Variants in THSD7B observed in about 807,000 individuals in gnomAD.
The protein encoded by THSD7B is thrombospondin type 1 domain containing 7B, also known as thrombospondin type-1 domain-containing protein 7B.
A neutral mutation model predicts 213.6 loss-of-function variants in THSD7B; 138 were observed. That is an observed-to-expected ratio of 0.65 (90% CI 0.56 to 0.74). THSD7B has a LOEUF of 0.74. Ranked by LOEUF, THSD7B falls within the 30% of genes least tolerant of loss-of-function variation. The pLI is 0.00. For missense variants in THSD7B, 1,931 were observed against 1,991.5 expected, an observed-to-expected ratio of 0.97 and a Z score of 0.58; for synonymous variants, 742 against 687.0, an observed-to-expected ratio of 1.08 and a Z score of -1.25.
rs940898203 is a variant in THSD7B at position 137,405,154 on chromosome 2, T to A, written c.2501-459T>A. Among the ~76,000 whole-genome samples, 4 of 142,872 alleles carry A rather than the reference T, an allele frequency of 2.8e-5. No individual in the cohort carries two copies. In the Admixed American group the frequency reaches 2.9e-4, roughly 10 times the overall value. The allele number at this position is 142,872 out of a possible 152,430, so 93.7% of individuals were successfully genotyped here. ...CAGACAGCAGAAATTCCTTTAAAAA[T>A]ACTGACTGTATAGGTCTACTTCTGT... On this transcript the variant is annotated intron_variant, in intron 12 of 27. Transcript: ENST00000409968.
chr2:136,944,105 A>C (rs1477647269), intron 2 of THSD7B, among the ~76,000 whole-genome samples: 1 of 152,082 alleles, frequency 6.6e-6, no homozygotes, highest in Non-Finnish European at 1.5e-5. Flanking sequence ...TGGTTTCAAA[A>C]AACATTTTTA....
At chr2:137,137,003 G>A (rs557603913) in intron 5 of THSD7B, among the ~76,000 whole-genome samples, 44 of 152,290 alleles carry the variant, frequency 2.9e-4, no homozygotes, top group African/African-American at 1.1e-3. Flanking sequence ...GTCCTGAGAT[G>A]ACAGTTCCTT....
intron 12 of THSD7B, among the ~76,000 whole-genome samples, chr2:137,313,696 G>T (rs560692419): frequency 4.6e-5 from 7 of 152,118 alleles, no homozygotes; most frequent in South Asian, 4.2e-4. Flanking sequence ...TTTTAGAGCC[G>T]GCCTGGTGGT....
chr2:136,775,086 G>A lies in THSD7B; in HGVS notation c.-36+9399G>A, dbSNP rs188648060. ...ATGACATGCACATTCTCTGTACTTG[G>A]CAAAGCCAGATCACTTTATTTATAT... On this transcript the variant is annotated intron_variant, in intron 1 of 27. Coordinates refer to ENST00000409968, the MANE Select transcript of THSD7B (RefSeq NM_001316349.2). Among the ~76,000 whole-genome samples the A allele has an allele frequency of 2.0e-5, 3 of 152,142 alleles. No individual in the cohort carries two copies. The East Asian group carries it at 5.8e-4, about 29-fold the overall frequency.
intron 12 of THSD7B, among the ~76,000 whole-genome samples, chr2:137,322,348 A>G (rs973605696): frequency 2.0e-5 from 3 of 152,228 alleles, no homozygotes; most frequent in South Asian, 2.1e-4. Context: ...TATGATGATT[A>G]AAATGAAATT....
intron 12 of THSD7B, among the ~76,000 whole-genome samples, chr2:137,332,045 A>G (rs1168172534): frequency 2.0e-5 from 3 of 152,162 alleles, no homozygotes; most frequent in South Asian, 2.1e-4. Flanking sequence ...CAGCCCAGAA[A>G]GGGGCTCCCA....
intron 12 of THSD7B, among the ~76,000 whole-genome samples, chr2:137,340,291 A>G (rs549765633): frequency 1.3e-5 from 2 of 152,022 alleles, no homozygotes; most frequent in African/African-American, 2.4e-5. Context: ...TAAAGGATGT[A>G]AAGGTTTTAG....
intron 7 of THSD7B, among the ~76,000 whole-genome samples, chr2:137,174,274 A>G (rs2104998526): frequency 6.6e-6 from 1 of 152,282 alleles, no homozygotes; most frequent in South Asian, 2.1e-4. Context: ...TGGAACCATG[A>G]GATTTCTACA....
intron 20 of THSD7B, among the ~76,000 whole-genome samples, chr2:137,630,391 G>A (rs1682718965): frequency 1.3e-5 from 2 of 152,176 alleles, no homozygotes; most frequent in African/African-American, 4.8e-5. Context: ...ACTGTGCCAA[G>A]GCAGCCTCTG....
chr2:137,427,202 T>C (rs1005976798), intron 14 of THSD7B, among the ~76,000 whole-genome samples: 12 of 152,164 alleles, frequency 7.9e-5, no homozygotes, highest in African/African-American at 2.9e-4. Context: ...GGAATGTAAA[T>C]TGGCTTAGCC....
intron 9 of THSD7B, among the ~76,000 whole-genome samples, chr2:137,235,683 C>A (rs574211315): frequency 5.4e-4 from 82 of 152,276 alleles, no homozygotes; most frequent in African/African-American, 2.0e-3. Flanking sequence ...TAGTTTAAAA[C>A]ATAATTCATA....
At position 136,954,712 on chromosome 2, in the gene THSD7B, CT is replaced by C. The variant is rs1416777892; in HGVS notation, c.139+72396del. On this transcript the variant is annotated intron_variant, in intron 2 of 27. Coordinates refer to ENST00000409968, the MANE Select transcript of THSD7B (RefSeq NM_001316349.2). ...AGCCTGGGTGACAGTGAGACTCTGT[CT>C]CAAAAAAAAAAAAAAAAAAAAGAAA... 2.0e-4 allele frequency among the ~76,000 whole-genome samples: 10 copies of C among 50,800 alleles called. No homozygotes were observed. In the East Asian group the frequency reaches 4.4e-3, roughly 22 times the overall value. 33.3% of individuals were successfully genotyped at this position (50,800 alleles called of 152,430 possible).
At chr2:137,350,341 GAA>G (rs1292423055) in intron 12 of THSD7B, among the ~76,000 whole-genome samples, 1 of 151,854 alleles carries the variant, frequency 6.6e-6, no homozygotes, top group Non-Finnish European at 1.5e-5. Context: ...AGGAAGAGGA[GAA>G]AGAGTATTTC....
intron 3 of THSD7B, among the ~76,000 whole-genome samples, chr2:137,084,685 T>C (rs967288716): frequency 6.6e-6 from 1 of 152,208 alleles, no homozygotes; most frequent in African/African-American, 2.4e-5. Context: ...CCACATATTC[T>C]AGATGGTGAA....
intron 3 of THSD7B, among the ~76,000 whole-genome samples, chr2:137,089,194 A>G (rs1309730668): frequency 6.6e-6 from 1 of 151,700 alleles, no homozygotes; most frequent in Non-Finnish European, 1.5e-5. Flanking sequence ...GCAATTGCAA[A>G]ATGTAGAACC....
chr2:136,881,586 T>C (rs1683623627), intron 1 of THSD7B, among the ~76,000 whole-genome samples: 2 of 152,128 alleles, frequency 1.3e-5, no homozygotes, highest in African/African-American at 4.8e-5. Context: ...AGAAGAAACT[T>C]ACTTGATTTT....
At chr2:137,286,520 C>T (rs891125795) in intron 12 of THSD7B, among the ~76,000 whole-genome samples, 2 of 152,148 alleles carry the variant, frequency 1.3e-5, no homozygotes, top group South Asian at 2.1e-4. Flanking sequence ...GAATGGAAGA[C>T]ACCATAGTCA....
intron 15 of THSD7B, among the ~76,000 whole-genome samples, chr2:137,483,471 T>C (rs1453426289): frequency 6.6e-5 from 10 of 152,234 alleles, no homozygotes; most frequent in Non-Finnish European, 1.0e-4. Context: ...TAATTGAAGA[T>C]GCTGGGCTCT....
intron 2 of THSD7B, among the ~76,000 whole-genome samples, chr2:136,946,207 A>G (rs1222514420): frequency 6.6e-6 from 1 of 152,040 alleles, no homozygotes; most frequent in African/African-American, 2.4e-5. Context: ...TTTTCCTTCT[A>G]ACAGTCAGGT....
Sources: allele counts gnomAD v4.1 joint callset (sites outside exome capture counted in the v4.1 genomes callset), GRCh38; gene constraint gnomAD v4.1.1; transcripts MANE v1.5; gene names NCBI Gene and HGNC (gene_info 2026-07-23, HGNC 2026-07-21).